CNTNAP3B: variants seen among roughly 807,000 people sequenced by gnomAD.
CNTNAP3B encodes contactin-associated protein-like 3B.
Under a neutral mutation model 108.9 loss-of-function variants are expected in CNTNAP3B, and 25 were observed. That is an observed-to-expected ratio of 0.23 (90% CI 0.17 to 0.32). CNTNAP3B has a LOEUF of 0.32. Ranked by LOEUF, CNTNAP3B falls within the 10% of genes least tolerant of loss-of-function variation. The probability of loss-of-function intolerance (pLI) is 1.00; values close to 1 mark genes in which losing one functional copy is unlikely to be tolerated. For missense variants in CNTNAP3B, 252 were observed against 1,210.4 expected, an observed-to-expected ratio of 0.21 and a Z score of 11.75; for synonymous variants, 103 against 473.4, an observed-to-expected ratio of 0.22 and a Z score of 10.16.
chr9:42,075,633 T>C (rs1208177372), intron 3 of CNTNAP3B, among the ~76,000 whole-genome samples: 1 of 125,542 alleles, frequency 8.0e-6, no homozygotes, highest in Admixed American at 8.0e-5. Flanking sequence ...ACAAAAATGC[T>C]GACGGTACCT....
chr9:42,022,100 T>C (rs1391599147), intron 3 of CNTNAP3B, among the ~76,000 whole-genome samples: 1 of 136,354 alleles, frequency 7.3e-6, no homozygotes, highest in East Asian at 2.2e-4. Flanking sequence ...CAGACATAAA[T>C]GATTGTTAGC....
intron 9 of CNTNAP3B, among the ~76,000 whole-genome samples, chr9:41,977,811 T>C (rs866047525): frequency 1.7e-4 from 23 of 131,740 alleles, no homozygotes; most frequent in Middle Eastern, 3.7e-3. Flanking sequence ...TTTTGTATTT[T>C]TAGTAGAGAC....
chr9:42,061,474 C>G, intron 3 of CNTNAP3B, among the ~76,000 whole-genome samples: 1 of 133,538 alleles, frequency 7.5e-6, no homozygotes, highest in Admixed American at 7.5e-5. Context: ...AGCACCATGC[C>G]CAGCTAATTT....
At chr9:41,921,403 A>G (rs1280872607) in intron 17 of CNTNAP3B, among the ~76,000 whole-genome samples, 1 of 151,852 alleles carries the variant, frequency 6.6e-6, no homozygotes, top group Non-Finnish European at 1.5e-5. Context: ...GTCATGGTAT[A>G]ACACCCCATC....
intron 9 of CNTNAP3B, among the ~76,000 whole-genome samples, chr9:41,977,757 C>G (rs1274251353): frequency 8.2e-6 from 1 of 121,372 alleles, no homozygotes; most frequent in Non-Finnish European, 1.7e-5. Context: ...GAAGCTGGGA[C>G]TACAGGCGCC....
intron 3 of CNTNAP3B, among the ~76,000 whole-genome samples, chr9:42,071,311 A>G (rs1827374723): frequency 6.9e-6 from 1 of 145,474 alleles, no homozygotes; most frequent in Non-Finnish European, 1.5e-5. Flanking sequence ...GAGATAATTT[A>G]CCCAAGAAAT....
rs62536500 is a variant in CNTNAP3B, at chr9:41,953,398, C to G, written c.1877-12G>C. 3.3e-5 allele frequency: 51 copies of G among 1,536,666 alleles called. No homozygotes were observed. Among genetic ancestry groups the G allele is most frequent in the Middle Eastern group, 3.8e-4 (2 of 5,218 alleles). ...CCACGCGGAGTCTGCTGAGCAGAAA[C>G]GGGCAAAGGAGAGGCATCACTGGGC... On this transcript the variant is annotated splice_polypyrimidine_tract_variant and intron_variant, in intron 12 of 23. Transcript: ENST00000377561.
At chr9:41,894,386 C>A (rs1311248035) in intron 23 of CNTNAP3B, among the ~76,000 whole-genome samples, 1 of 89,244 alleles carries the variant, frequency 1.1e-5, no homozygotes, top group East Asian at 2.5e-4. Flanking sequence ...CCTTGGCCTC[C>A]CAAATTGTTG....
chr9:42,087,195 G>T (rs1240660750), intron 2 of CNTNAP3B, among the ~76,000 whole-genome samples: 7,920 of 104,922 alleles, frequency 0.075, 70 homozygotes, highest in African/African-American at 0.12. Context: ...TTATTAGTTG[G>T]TGTCTTTTAG....
chr9:41,995,693 T>C lies in CNTNAP3B; in HGVS notation c.1071+512A>G, dbSNP rs1447793263. ...TTGCAGTGAGCCAAGATCGTGACAC[T>C]GCACTCCAGTCTGGGTGACAGAGTG... is the stretch of plus-strand genomic sequence containing the variant. On this transcript the variant is annotated intron_variant, in intron 7 of 23. Transcript: ENST00000377561. Among the ~76,000 whole-genome samples the C allele has an allele frequency of 4.2e-5, 5 of 118,860 alleles. No homozygotes were observed. In the East Asian group the frequency reaches 1.3e-3, roughly 31 times the overall value. The allele number at this position is 118,860 out of a possible 152,430, so 78.0% of individuals were successfully genotyped here.
chr9:41,947,764 T>C (rs1305076922), intron 13 of CNTNAP3B, among the ~76,000 whole-genome samples: 4,882 of 151,616 alleles, frequency 0.032, 33 homozygotes, highest in Non-Finnish European at 0.05. Context: ...AACAGTAAGA[T>C]TGAAAAACTT....
At chr9:42,120,994 A>T (rs1828448942) in intron 1 of CNTNAP3B, among the ~76,000 whole-genome samples, 1 of 138,956 alleles carries the variant, frequency 7.2e-6, no homozygotes, top group Non-Finnish European at 1.5e-5. Context: ...ATAAAAAATT[A>T]AAAAGTTCAG....
rs892789058 is a variant in CNTNAP3B, at chr9:42,033,147, A to G, written c.391-19622T>C. On this transcript the variant is annotated intron_variant, in intron 3 of 23. Transcript: ENST00000377561. Reference sequence around the variant, plus strand: ...AAACAAATATCAAAATCTGTTTCTCAGTGCAAACTTTCTAAAGTTAGGCTT... The same window carrying G: ...AAACAAATATCAAAATCTGTTTCTCGGTGCAAACTTTCTAAAGTTAGGCTT... 1.5e-5 allele frequency among the ~76,000 whole-genome samples: 2 copies of G among 137,672 alleles called. 1 individual carries two copies. The highest frequency in any genetic ancestry group is 5.8e-5 in the African/African-American group (2 of 34,686). 90.3% of individuals were successfully genotyped at this position (137,672 alleles called of 152,430 possible).
intron 9 of CNTNAP3B, among the ~76,000 whole-genome samples, chr9:41,973,019 G>A (rs1461058809): frequency 7.8e-6 from 1 of 127,742 alleles, no homozygotes; most frequent in African/African-American, 3.1e-5. Flanking sequence ...CTCACTGCAA[G>A]CTCCACCACC....
At chr9:41,956,210 C>A (rs1824852699) in intron 12 of CNTNAP3B, among the ~76,000 whole-genome samples, 1 of 152,112 alleles carries the variant, frequency 6.6e-6, no homozygotes, top group African/African-American at 2.4e-5. Flanking sequence ...CATAGTAAAA[C>A]CCTATCTCTA....
intron 13 of CNTNAP3B, among the ~76,000 whole-genome samples, chr9:41,952,008 G>C (rs1331510870): frequency 6.6e-6 from 1 of 152,250 alleles, no homozygotes. Context: ...ATCCGGGAGG[G>C]GAGCGGGTTG....
chr9:42,037,888 G>A lies in CNTNAP3B; in HGVS notation c.391-24363C>T, dbSNP rs1444066009. Among the ~76,000 whole-genome samples the A allele has an allele frequency of 7.2e-4, 12 of 16,710 alleles. 5 individuals carry two copies. The Admixed American group carries it at 8.7e-3, about 12-fold the overall frequency. The allele number at this position is 16,710 out of a possible 152,430, so 11.0% of individuals were successfully genotyped here. A position where few individuals can be genotyped will look rare whatever the true frequency, so the allele number is the denominator to read the frequency against. On this transcript the variant is annotated intron_variant, in intron 3 of 23. Coordinates refer to ENST00000377561, the MANE Select transcript of CNTNAP3B (RefSeq NM_001201380.3). ...TTAAGGGCAGTCAGAGAGAAAGGTCGGGTTACCCACAAAGGGAAGCCCATC... is the reference window on the plus strand; with the variant it reads ...TTAAGGGCAGTCAGAGAGAAAGGTCAGGTTACCCACAAAGGGAAGCCCATC...
At chr9:42,055,169 T>C (rs1328607550) in intron 3 of CNTNAP3B, among the ~76,000 whole-genome samples, 1 of 139,400 alleles carries the variant, frequency 7.2e-6, no homozygotes. Flanking sequence ...GCCATACGAT[T>C]CACATAGTTC....
chr9:42,098,417 CA>C (rs375793085), intron 2 of CNTNAP3B, among the ~76,000 whole-genome samples: 48,387 of 96,044 alleles, frequency 0.5, 13,630 homozygotes, highest in South Asian at 0.59. Flanking sequence ...ACTAAAAATA[CA>C]AAAAAAAAAA....
Sources: gnomAD v4.1 joint callset for allele counts (sites outside exome capture counted in the v4.1 genomes callset) on GRCh38, gnomAD v4.1.1 for gene constraint, MANE v1.5 for transcripts, NCBI Gene and HGNC (gene_info 2026-07-23, HGNC 2026-07-21) for gene names.